The following NAV2 variants were observed in gnomAD, a reference collection of about 807,000 sequenced individuals.
NAV2 encodes neuron navigator 2.
Under a neutral mutation model 223.2 loss-of-function variants are expected in NAV2, and 54 were observed. The observed-to-expected ratio is 0.24, with a 90% CI of 0.19 to 0.30. The LOEUF is 0.30. Ranked by LOEUF, NAV2 falls within the 10% of genes least tolerant of loss-of-function variation. NAV2 has a pLI of 1.00. For missense variants in NAV2, 2,806 were observed against 3,147.5 expected (o/e 0.89, Z 2.60); for synonymous variants, 1,279 against 1,239.3 (o/e 1.03, Z -0.67).
At chr11:19,510,190 C>T (rs1010756009) in intron 1 of NAV2, among the ~76,000 whole-genome samples, 4 of 152,204 alleles carry the variant, frequency 2.6e-5, no homozygotes, top group African/African-American at 9.6e-5. Context: ...ATGAGGGAAA[C>T]TGTCTTAGGA....
intron 29 of NAV2, among the ~76,000 whole-genome samples, chr11:20,093,661 G>T (rs959170134): frequency 1.3e-5 from 2 of 152,136 alleles, no homozygotes; most frequent in Non-Finnish European, 2.9e-5. Context: ...GAGATGCCAA[G>T]CCCTGGGAGC....
At chr11:19,859,833 C>G (rs2061600243) in intron 3 of NAV2, among the ~76,000 whole-genome samples, 2 of 144,914 alleles carry the variant, frequency 1.4e-5, no homozygotes, top group African/African-American at 2.6e-5. Context: ...CCACCCCCAA[C>G]TCCCTCCCGG....
Position 19,713,663 on chromosome 11 carries a change from G to A in NAV2, c.-33G>A, listed in dbSNP as rs772789053. 4 of 1,510,290 alleles carry A rather than the reference G, an allele frequency of 2.6e-6. No individual in the cohort carries two copies. In the South Asian group the frequency reaches 4.0e-5, roughly 15 times the overall value. 93.6% of individuals were successfully genotyped at this position (1,510,290 alleles called of 1,614,324 possible). ...GGTCGCCCCCGCCGCCGCTGCCAGG[G>A]ACGTGCTGGGAAAGCCCAAGCCCCG... On this transcript the variant is annotated 5_prime_UTR_variant, in exon 1 of 38. Coordinates refer to ENST00000349880, the MANE Select transcript of NAV2 (RefSeq NM_145117.5). The surrounding 1 kb of genome is among the most constrained non-coding windows in gnomAD (Gnocchi z 7.2).
intron 1 of NAV2, among the ~76,000 whole-genome samples, chr11:19,818,724 G>A (rs1448785008): frequency 1.3e-5 from 2 of 152,148 alleles, no homozygotes; most frequent in African/African-American, 2.4e-5. Context: ...AGCATCCACC[G>A]TCGGGTGGGT....
Position 20,067,294 on chromosome 11 carries a change from G to A in NAV2, c.4885-892G>A, listed in dbSNP as rs561006051. 5.3e-5 allele frequency among the ~76,000 whole-genome samples: 8 copies of A among 152,182 alleles called. No homozygotes were observed. The East Asian group carries it at 7.7e-4, about 15-fold the overall frequency. ...CTTTCTACCCTGGTGCTCCCACTGTGGTGTCCTAGGGAAGTGAGAGGAGGG... is the reference window on the plus strand; with the variant it reads ...CTTTCTACCCTGGTGCTCCCACTGTAGTGTCCTAGGGAAGTGAGAGGAGGG... On this transcript the variant is annotated intron_variant, in intron 20 of 37. Coordinates refer to ENST00000349880, the MANE Select transcript of NAV2 (RefSeq NM_145117.5).
chr11:19,397,244 A>G (rs1849487810), intron 1 of NAV2, among the ~76,000 whole-genome samples: 1 of 152,136 alleles, frequency 6.6e-6, no homozygotes, highest in Non-Finnish European at 1.5e-5. Flanking sequence ...TTTTCCTTCA[A>G]TTATAAGAGG....
intron 4 of NAV2, 69 bp downstream of exon 4, chr11:19,869,066 G>A: frequency 2.1e-6 from 3 of 1,407,130 alleles, no homozygotes; most frequent in South Asian, 1.2e-5. Flanking sequence ...ACTTATGAAT[G>A]ATATTAACAC....
At chr11:19,970,705 A>G (rs1266605680) in intron 10 of NAV2, among the ~76,000 whole-genome samples, 1 of 152,220 alleles carries the variant, frequency 6.6e-6, no homozygotes, top group Non-Finnish European at 1.5e-5. Flanking sequence ...CCAGGCTTCA[A>G]TTTTATCATA....
At chr11:19,360,055 A>G (rs1853843003) in intron 1 of NAV2, among the ~76,000 whole-genome samples, 1 of 152,156 alleles carries the variant, frequency 6.6e-6, no homozygotes, top group African/African-American at 2.4e-5. Flanking sequence ...GGCTTATCCC[A>G]TCTTGTTGTG....
intron 1 of NAV2, among the ~76,000 whole-genome samples, chr11:19,757,474 C>G (rs2054325567): frequency 6.6e-6 from 1 of 152,156 alleles, no homozygotes. Flanking sequence ...GAATTAAAGG[C>G]TTTTGCTCCT....
intron 6 of NAV2, among the ~76,000 whole-genome samples, chr11:19,892,886 T>C (rs2041632851): frequency 6.6e-6 from 1 of 152,184 alleles, no homozygotes; most frequent in African/African-American, 2.4e-5. Context: ...TGAAAATAAA[T>C]TTTCATGGAA....
intron 1 of NAV2, chr11:19,714,227 G>A (rs1038990419): frequency 8.8e-6 from 6 of 678,114 alleles, no homozygotes; most frequent in Non-Finnish European, 1.6e-5. Context: ...TGGGGAGGAG[G>A]AAAGGTCGGG....
At chr11:19,798,544 G>A (rs1438264952) in intron 1 of NAV2, among the ~76,000 whole-genome samples, 1 of 152,174 alleles carries the variant, frequency 6.6e-6, no homozygotes, top group African/African-American at 2.4e-5. Context: ...TTGTTGGAAG[G>A]GAGGCTGGCC....
chr11:19,820,705 A>G (rs1471326567), intron 1 of NAV2, among the ~76,000 whole-genome samples: 1 of 152,206 alleles, frequency 6.6e-6, no homozygotes. Context: ...GTTTTCCAGT[A>G]TGTAAAATGG....
At chr11:19,811,390 A>AG (rs2058828485) in intron 1 of NAV2, among the ~76,000 whole-genome samples, 1 of 152,106 alleles carries the variant, frequency 6.6e-6, no homozygotes, top group Non-Finnish European at 1.5e-5. Flanking sequence ...TGGTTTGGGA[A>AG]GGGGGGTGTT....
intron 7 of NAV2, among the ~76,000 whole-genome samples, chr11:19,934,842 G>A (rs186208826): frequency 2.0e-5 from 3 of 152,034 alleles, no homozygotes; most frequent in Admixed American, 1.3e-4. Flanking sequence ...AGAAGAACAA[G>A]AGCTCATGTT....
chr11:19,395,894 C>T (rs1236261253), intron 1 of NAV2, among the ~76,000 whole-genome samples: 1 of 152,202 alleles, frequency 6.6e-6, no homozygotes, highest in Non-Finnish European at 1.5e-5. Context: ...AAAAAGTAGA[C>T]AGGATGCTAT....
intron 1 of NAV2, among the ~76,000 whole-genome samples, chr11:19,409,252 A>G (rs1309555077): frequency 6.6e-6 from 1 of 152,230 alleles, no homozygotes; most frequent in Non-Finnish European, 1.5e-5. Context: ...AAGAGAAAGT[A>G]AGAAAGAAAA....
chr11:19,554,487 G>A (rs1487192), intron 1 of NAV2, among the ~76,000 whole-genome samples: 32,675 of 152,092 alleles, frequency 0.21, 4,031 homozygotes, highest in East Asian at 0.47. Context: ...TAGAAAATGC[G>A]TTGCCCTGAA....
Sources: allele counts gnomAD v4.1 joint callset (sites outside exome capture counted in the v4.1 genomes callset), GRCh38; gene constraint gnomAD v4.1.1; non-coding constraint Gnocchi (gnomAD v3.1); transcripts MANE v1.5; gene names NCBI Gene and HGNC (gene_info 2026-07-23, HGNC 2026-07-21).